The following POC1B variants were observed in gnomAD, a reference collection of about 807,000 sequenced individuals.
POC1B encodes POC1 centriolar protein homolog B.
A neutral mutation model predicts 60.6 loss-of-function variants in POC1B; 44 were observed. The ratio of observed to expected loss-of-function variants is 0.73; its 90% CI spans 0.57 to 0.93. The LOEUF (loss-of-function observed/expected upper bound fraction) is 0.93. Ranked by LOEUF, POC1B falls within the 40% of genes least tolerant of loss-of-function variation. The probability of loss-of-function intolerance (pLI) is 0.00; values close to 1 mark genes in which losing one functional copy is unlikely to be tolerated. For synonymous variants in POC1B, 180 were observed against 198.9 expected (o/e 0.90, Z 0.80); for missense variants, 555 against 572.3 (o/e 0.97, Z 0.31).
rs374730697 is a variant in POC1B at position 89,438,195 on chromosome 12, C to T, written c.1114-12816G>A. Among the ~76,000 whole-genome samples the T allele has an allele frequency of 3.3e-5, 5 of 152,260 alleles. No homozygotes were observed. In the South Asian group the frequency reaches 8.3e-4, roughly 25 times the overall value. On this transcript the variant is annotated intron_variant, in intron 10 of 11. Coordinates refer to ENST00000313546, the MANE Select transcript of POC1B (RefSeq NM_172240.3). ...TCTTCAGGCCGGGCGCGGTGGCTCACGCCTGTAATCCCAGCACTTTGGGAG... is the reference window on the plus strand; with the variant it reads ...TCTTCAGGCCGGGCGCGGTGGCTCATGCCTGTAATCCCAGCACTTTGGGAG...
chr12:89,449,843 A>G (rs1401344929), intron 10 of POC1B, among the ~76,000 whole-genome samples: 1 of 152,210 alleles, frequency 6.6e-6, no homozygotes, highest in Non-Finnish European at 1.5e-5. Context: ...GAACAGAGCA[A>G]TAAGACAGAA....
In POC1B at chr12:89,500,651, G is replaced by A. The variant is rs757639603; in HGVS notation, c.101-3309C>T. 3.3e-4 allele frequency: 523 copies of A among 1,572,620 alleles called. 1 individual carries two copies. Among genetic ancestry groups the A allele is most frequent in the Non-Finnish European group, 4.2e-4 (476 of 1,144,456 alleles). ...CCAAAAGAGAGAGACTTACACTTTT[G>A]AAAATTCAGTAAATATGCTGCCTTC... On this transcript the variant is annotated intron_variant, in intron 2 of 11. Transcript: ENST00000313546.
chr12:89,457,368 T>C lies in POC1B; in HGVS notation c.1113+2270A>G, dbSNP rs114364133. Among the ~76,000 whole-genome samples the C allele has an allele frequency of 7.7e-3, 1,167 of 152,358 alleles. 10 individuals carry two copies. The highest frequency in any genetic ancestry group is 0.026 in the African/African-American group (1,091 of 41,590). On this transcript the variant is annotated intron_variant, in intron 10 of 11. Coordinates refer to ENST00000313546, the MANE Select transcript of POC1B (RefSeq NM_172240.3). The stretch of plus-strand genomic sequence containing the variant: ...TAGTTTTCTAACCAATTATCTATCA[T>C]TGAACTAAAAGAAAGAGATACACAT...
chr12:89,441,093 G>C (rs1308315045), intron 10 of POC1B, among the ~76,000 whole-genome samples: 2 of 152,228 alleles, frequency 1.3e-5, no homozygotes, highest in Non-Finnish European at 2.9e-5. Context: ...GCTGAGGCTT[G>C]AGTAGATAAA....
At chr12:89,431,151 G>T (rs1881013349) in intron 10 of POC1B, among the ~76,000 whole-genome samples, 1 of 151,938 alleles carries the variant, frequency 6.6e-6, no homozygotes, top group Admixed American at 6.6e-5. Context: ...TCAGTGACTT[G>T]AACTTTAGAT....
intron 9 of POC1B, chr12:89,461,190 T>C (rs1882470233): frequency 6.6e-6 from 1 of 152,028 alleles, no homozygotes. Context: ...TACGAATTTG[T>C]GTTGGGCTGG....
intron 2 of POC1B, chr12:89,522,755 A>AAG: frequency 6.6e-7 from 1 of 1,516,930 alleles, no homozygotes; most frequent in Non-Finnish European, 8.8e-7. Context: ...TGAGGCTCTT[A>AAG]AGGCTCTTTG....
intron 11 of POC1B, among the ~76,000 whole-genome samples, chr12:89,421,970 TTA>T (rs745762537): frequency 6.6e-6 from 1 of 152,166 alleles, no homozygotes; most frequent in South Asian, 2.1e-4. Flanking sequence ...AACATATGTT[TTA>T]TATATATGTT....
intron 4 of POC1B, chr12:89,485,206 T>C (rs943453254): frequency 9.2e-5 from 14 of 152,340 alleles, no homozygotes; most frequent in Admixed American, 7.2e-4. Context: ...TGCACATCTT[T>C]GAGAGTCCTG....
At chr12:89,442,095 C>T (rs145767920) in intron 10 of POC1B, among the ~76,000 whole-genome samples, 407 of 152,168 alleles carry the variant, frequency 2.7e-3, no homozygotes, top group African/African-American at 9.1e-3. Context: ...CCAAGAAATA[C>T]GGGACTATGT....
Position 89,480,649 on chromosome 12 carries a change from G to T in POC1B, c.453-8374C>A, listed in dbSNP as rs1883295140. 4.1e-5 allele frequency among the ~76,000 whole-genome samples: 6 copies of T among 146,414 alleles called. No individual in the cohort carries two copies. The Admixed American group carries it at 4.2e-4, about 10-fold the overall frequency. The stretch of plus-strand genomic sequence containing the variant: ...CGGAGTCTCACTGTCGCCCAGGCTG[G>T]AGTGCAGTGGCAAGATCTCGGCTCA... On this transcript the variant is annotated intron_variant, in intron 4 of 11. Coordinates refer to ENST00000313546, the MANE Select transcript of POC1B (RefSeq NM_172240.3).
chr12:89,501,827 C>T, intron 2 of POC1B: 1 of 1,198,504 alleles, frequency 8.3e-7, no homozygotes, highest in Non-Finnish European at 1.2e-6. Context: ...GGGAAAAAAA[C>T]TATTCCACTT....
Position 89,524,352 on chromosome 12 carries a change from C to A in POC1B, c.100+768G>T, listed in dbSNP as rs1240154908. 4 of 1,613,894 alleles carry A rather than the reference C, an allele frequency of 2.5e-6. No individual in the cohort carries two copies. The South Asian group carries it at 4.4e-5, about 18-fold the overall frequency. ...CAAGTGCACGGGAATCTGCAGGGGG[C>A]TTCTTATAAAGCGGTCGAGACAAAT... On this transcript the variant is annotated intron_variant, in intron 2 of 11. Transcript: ENST00000313546.
chr12:89,524,436 G>A (rs903499019), intron 2 of POC1B: 5 of 1,613,914 alleles, frequency 3.1e-6, no homozygotes, highest in East Asian at 2.2e-5. Flanking sequence ...TGGCACGGCC[G>A]GCTCCTGCGG....
At chr12:89,522,224 A>G (rs887108071) in intron 2 of POC1B, 1 of 398,404 alleles carries the variant, frequency 2.5e-6, no homozygotes, top group African/African-American at 2.1e-5. Flanking sequence ...AGGCCTCCAA[A>G]CTCACACTCA....
the POC1B span, among the ~76,000 whole-genome samples, chr12:89,403,734 G>A: frequency 6.6e-6 from 1 of 152,138 alleles, no homozygotes; most frequent in Non-Finnish European, 1.5e-5. Context: ...CCAGGAACGA[G>A]CTACACTCTA....
chr12:89,524,079 A>T (rs1871187222), intron 2 of POC1B: 3 of 1,613,956 alleles, frequency 1.9e-6, no homozygotes, highest in Non-Finnish European at 1.7e-6. Flanking sequence ...TTTCTAAAAC[A>T]CTGTGAATGG....
intron 10 of POC1B, among the ~76,000 whole-genome samples, chr12:89,456,646 C>CTT (rs34611592): frequency 2.0e-5 from 3 of 148,772 alleles, no homozygotes; most frequent in Non-Finnish European, 4.5e-5. Context: ...TTTACAGAAA[C>CTT]TTTTTTTTTT....
chr12:89,503,750 C>A (rs1301871157), intron 2 of POC1B, among the ~76,000 whole-genome samples: 2 of 124,334 alleles, frequency 1.6e-5, no homozygotes, highest in African/African-American at 3.2e-5. Context: ...AAGTGAGGAG[C>A]CCCTCCGCCC....
Sources: gnomAD v4.1 joint callset for allele counts (sites outside exome capture counted in the v4.1 genomes callset) on GRCh38, gnomAD v4.1.1 for gene constraint, MANE v1.5 for transcripts, NCBI Gene and HGNC (gene_info 2026-07-23, HGNC 2026-07-21) for gene names.